Variants in PTPRD observed in about 807,000 individuals in gnomAD.
PTPRD encodes the protein receptor-type tyrosine-protein phosphatase delta.
Under a neutral mutation model 214.5 loss-of-function variants are expected in PTPRD, and 34 were observed. The ratio of observed to expected loss-of-function variants is 0.16; its 90% CI spans 0.12 to 0.21. The LOEUF is 0.21. Among genes scored for constraint, PTPRD ranks in the 10% least tolerant of loss-of-function variants. The probability of loss-of-function intolerance (pLI) is 1.00; values close to 1 mark genes in which losing one functional copy is unlikely to be tolerated. For synonymous variants in PTPRD, 1,128 were observed against 845.7 expected (o/e 1.33, Z -5.79); for missense variants, 2,545 against 2,398.7 (o/e 1.06, Z -1.27).
At chr9:10,154,502 G>C (rs964877357) in intron 3 of PTPRD, among the ~76,000 whole-genome samples, 2 of 152,090 alleles carry the variant, frequency 1.3e-5, no homozygotes, top group African/African-American at 4.8e-5. Context: ...ATTGGTTGCA[G>C]TTGCTTTTGA....
At chr9:9,075,705 G>T (rs1002515268) in intron 10 of PTPRD, among the ~76,000 whole-genome samples, 1 of 151,936 alleles carries the variant, frequency 6.6e-6, no homozygotes, top group Non-Finnish European at 1.5e-5. Flanking sequence ...ATGATGGTTT[G>T]CAGCTTCATC....
intron 2 of PTPRD, among the ~76,000 whole-genome samples, chr9:10,409,145 G>C (rs535601941): frequency 9.9e-5 from 15 of 151,804 alleles, no homozygotes; most frequent in African/African-American, 3.6e-4. Context: ...ATATATGTGG[G>C]CTACAACACA....
At chr9:8,719,735 C>G (rs1488740326) in intron 12 of PTPRD, among the ~76,000 whole-genome samples, 1 of 152,018 alleles carries the variant, frequency 6.6e-6, no homozygotes, top group Non-Finnish European at 1.5e-5. Flanking sequence ...TAGCTCTTTA[C>G]AGAAAACATT....
At chr9:9,947,535 ATATATAAT>A (rs2092887717) in intron 4 of PTPRD, among the ~76,000 whole-genome samples, 6 of 27,850 alleles carry the variant, frequency 2.2e-4, no homozygotes, top group East Asian at 4.9e-3. Flanking sequence ...TATATATTTT[ATATATAAT>A]ATATATATTA....
chr9:9,915,543 A>G (rs1322386880), intron 5 of PTPRD, among the ~76,000 whole-genome samples: 1 of 151,914 alleles, frequency 6.6e-6, no homozygotes, highest in African/African-American at 2.4e-5. Context: ...TATCATTAAA[A>G]AAAGAACCAA....
Position 9,484,799 on chromosome 9 carries a change from C to T in PTPRD, c.-236-87317G>A, listed in dbSNP as rs117651077. Among the ~76,000 whole-genome samples the T allele has an allele frequency of 2.5e-3, 387 of 152,180 alleles. 10 individuals carry two copies. In the East Asian group the frequency reaches 0.066, roughly 26 times the overall value. ...TGGTTCTGGAGCCTACAGTCTTGAC[C>T]ACCAAGCAATACTGCTTCTTCCTAT... On this transcript the variant is annotated intron_variant, in intron 8 of 45. Coordinates refer to ENST00000381196, the MANE Select transcript of PTPRD (RefSeq NM_002839.4).
In PTPRD at chr9:9,007,475, T is replaced by A. The variant is rs565767174; in HGVS notation, c.-104+11222A>T. Among the ~76,000 whole-genome samples, 221 of 54,974 alleles carry A rather than the reference T, an allele frequency of 4.0e-3. 2 individuals are homozygous for A. The highest frequency in any genetic ancestry group is 0.017 in the East Asian group (37 of 2,160). 36.1% of individuals were successfully genotyped at this position (54,974 alleles called of 152,430 possible). ...TCCCTGAAGAATTTTAAAAATATAT[T>A]TTTTTTTATGTGCTTGACCCTATTA... On this transcript the variant is annotated intron_variant, in intron 11 of 45. Coordinates refer to ENST00000381196, the MANE Select transcript of PTPRD (RefSeq NM_002839.4).
rs879600695 is a variant in PTPRD at position 8,353,440 on chromosome 9, G to A, written c.4662-11462C>T. ...TTTATGAATGTATGAATGAATGAAT[G>A]AATGAATGAGATGGAGTCTCACTCT... is the stretch of plus-strand genomic sequence containing the variant. On this transcript the variant is annotated intron_variant, in intron 39 of 45. Coordinates refer to ENST00000381196, the MANE Select transcript of PTPRD (RefSeq NM_002839.4). Among the ~76,000 whole-genome samples the A allele has an allele frequency of 2.8e-4, 42 of 152,128 alleles. No homozygotes were observed. The Middle Eastern group carries it at 0.02, about 74-fold the overall frequency.
intron 7 of PTPRD, among the ~76,000 whole-genome samples, chr9:9,645,722 T>C (rs2096137545): frequency 6.6e-6 from 1 of 152,030 alleles, no homozygotes; most frequent in South Asian, 2.1e-4. Context: ...ACTGTTTCCT[T>C]GAAAATTATA....
intron 7 of PTPRD, among the ~76,000 whole-genome samples, chr9:9,669,225 G>C (rs577214595): frequency 2.0e-5 from 3 of 152,090 alleles, no homozygotes; most frequent in Admixed American, 6.6e-5. Context: ...CTATTCACAA[G>C]AGCAAAGACT....
intron 5 of PTPRD, among the ~76,000 whole-genome samples, chr9:9,861,207 C>T (rs996639393): frequency 1.3e-5 from 2 of 152,058 alleles, no homozygotes; most frequent in African/African-American, 4.8e-5. Flanking sequence ...TCTATTACCC[C>T]ACTGAGATAC....
intron 8 of PTPRD, among the ~76,000 whole-genome samples, chr9:9,421,001 T>A (rs1432479978): frequency 1.3e-5 from 2 of 152,112 alleles, no homozygotes; most frequent in African/African-American, 4.8e-5. Context: ...TGTGCATGCC[T>A]TGTCCATAAT....
chr9:9,050,918 A>G lies in PTPRD; in HGVS notation c.-142-32183T>C, dbSNP rs142076260. ...ATAGATATAGGGTTTGGTACTATCC[A>G]CAGTGTCAGGCATCCACTGGGGTCT... On this transcript the variant is annotated intron_variant, in intron 10 of 45. Transcript: ENST00000381196. 5.7e-3 allele frequency among the ~76,000 whole-genome samples: 871 copies of G among 152,296 alleles called. 5 individuals are homozygous for G. The highest frequency in any genetic ancestry group is 0.012 in the South Asian group (60 of 4,830).
At chr9:9,010,500 G>A (rs947355980) in intron 11 of PTPRD, among the ~76,000 whole-genome samples, 1 of 152,118 alleles carries the variant, frequency 6.6e-6, no homozygotes, top group African/African-American at 2.4e-5. Flanking sequence ...CAGAATATTA[G>A]AAGATAAAAG....
At chr9:9,644,037 T>C (rs2096062376) in intron 7 of PTPRD, among the ~76,000 whole-genome samples, 1 of 152,206 alleles carries the variant, frequency 6.6e-6, no homozygotes, top group African/African-American at 2.4e-5. Flanking sequence ...TGCAAAGATA[T>C]GCTTTTTAAA....
At chr9:9,647,337 G>C (rs2096218798) in intron 7 of PTPRD, among the ~76,000 whole-genome samples, 2 of 151,802 alleles carry the variant, frequency 1.3e-5, no homozygotes, top group South Asian at 4.2e-4. Flanking sequence ...ATCTGATTCT[G>C]TTTCCTTGTT....
At chr9:9,971,286 A>T (rs2095084655) in intron 4 of PTPRD, among the ~76,000 whole-genome samples, 1 of 152,180 alleles carries the variant, frequency 6.6e-6, no homozygotes, top group Non-Finnish European at 1.5e-5. Flanking sequence ...ATAAATACAG[A>T]TGGATTTAAA....
intron 2 of PTPRD, among the ~76,000 whole-genome samples, chr9:10,521,636 T>G (rs1184253623): frequency 6.6e-6 from 1 of 152,132 alleles, no homozygotes; most frequent in Admixed American, 6.6e-5. Context: ...ATTCTTATTT[T>G]AAGACACTGC....
At chr9:9,886,524 C>T (rs564779735) in intron 5 of PTPRD, among the ~76,000 whole-genome samples, 3 of 152,092 alleles carry the variant, frequency 2.0e-5, no homozygotes, top group Non-Finnish European at 2.9e-5. Flanking sequence ...GAGGTCAGAC[C>T]GTTCCACAGT....
Sources: allele counts gnomAD v4.1 joint callset (sites outside exome capture counted in the v4.1 genomes callset), GRCh38; gene constraint gnomAD v4.1.1; transcripts MANE v1.5; gene names NCBI Gene and HGNC (gene_info 2026-07-23, HGNC 2026-07-21).